Variants in NTM observed in about 807,000 individuals in gnomAD.
NTM encodes IgLON family member 2.
A neutral mutation model predicts 42.1 loss-of-function variants in NTM; 13 were observed. The ratio of observed to expected loss-of-function variants is 0.31; its 90% CI spans 0.20 to 0.49. NTM has a LOEUF of 0.49. NTM is among the 20% of genes least tolerant of loss of function. The pLI is 0.99. For missense variants in NTM, 373 were observed against 452.8 expected (o/e 0.82, Z 1.60); for synonymous variants, 187 against 179.2 (o/e 1.04, Z -0.35).
Position 132,003,162 on chromosome 11 carries a change from CAG to C in NTM, c.167+91517_167+91518del, listed in dbSNP as rs1222997989. Among the ~76,000 whole-genome samples, 2 of 152,166 alleles carry C rather than the reference CAG, an allele frequency of 1.3e-5. No homozygotes were observed. The highest frequency in any genetic ancestry group is 6.5e-5 in the Admixed American group (1 of 15,284). On this transcript the variant is annotated intron_variant, in intron 2 of 8. Coordinates refer to ENST00000683400, the MANE Select transcript of NTM (RefSeq NM_001352005.2). This position sits in a 1 kb window ranked among gnomAD's most constrained non-coding sequence, Gnocchi z 6.0. ...CCCTAATGCTAGCCCGGTTCTGAGCCAGAGTTATTTCGCTCTGCCAGTGGTGC... is the reference window on the plus strand; with the variant it reads ...CCCTAATGCTAGCCCGGTTCTGAGCCAGTTATTTCGCTCTGCCAGTGGTGC...
chr11:131,846,071 G>C (rs2044864728), intron 1 of NTM, among the ~76,000 whole-genome samples: 1 of 152,008 alleles, frequency 6.6e-6, no homozygotes, highest in Non-Finnish European at 1.5e-5. Flanking sequence ...ATAACATTTT[G>C]TTTTAAACAT....
chr11:132,313,771 C>CAACT (rs549035604), intron 6 of NTM, among the ~76,000 whole-genome samples: 8 of 152,100 alleles, frequency 5.3e-5, no homozygotes, highest in African/African-American at 7.2e-5. Flanking sequence ...TCACTTCCCC[C>CAACT]AACTAACTAA....
intron 4 of NTM, among the ~76,000 whole-genome samples, chr11:132,286,522 C>T (rs567609713): frequency 6.6e-6 from 1 of 152,104 alleles, no homozygotes; most frequent in Non-Finnish European, 1.5e-5. Flanking sequence ...GTCCGCCCCC[C>T]CCACCCAAAC....
chr11:131,935,992 G>A (rs1051374039), intron 2 of NTM, among the ~76,000 whole-genome samples: 13 of 151,344 alleles, frequency 8.6e-5, no homozygotes, highest in Admixed American at 8.5e-4. Flanking sequence ...GTGATAAAAA[G>A]AGGGGAATCA....
intron 1 of NTM, among the ~76,000 whole-genome samples, chr11:131,521,966 G>A (rs894973776): frequency 6.6e-6 from 1 of 151,966 alleles, no homozygotes; most frequent in African/African-American, 2.4e-5. Flanking sequence ...ATAATAATAG[G>A]TCAAACATCC....
chr11:132,145,744 C>A (rs945659363), intron 2 of NTM, among the ~76,000 whole-genome samples: 1 of 152,152 alleles, frequency 6.6e-6, no homozygotes, highest in African/African-American at 2.4e-5. Flanking sequence ...ATTTGCTATT[C>A]TGAGATGAGA....
At chr11:132,202,522 G>A (rs1003378111) in intron 3 of NTM, among the ~76,000 whole-genome samples, 2 of 152,112 alleles carry the variant, frequency 1.3e-5, no homozygotes, top group African/African-American at 4.8e-5. Context: ...TCCACATCAT[G>A]ATCACTGATA....
At chr11:131,789,535 AGAAGAAGAAGAAAAG>A (rs2090216773) in intron 1 of NTM, among the ~76,000 whole-genome samples, 4 of 28,654 alleles carry the variant, frequency 1.4e-4, no homozygotes, top group Non-Finnish European at 1.8e-4. Flanking sequence ...AAGAAGAAGA[AGAAGAAGAAGAAAAG>A]AAGAAGAAGA....
intron 2 of NTM, among the ~76,000 whole-genome samples, chr11:132,068,761 G>C (rs2056903309): frequency 6.6e-6 from 1 of 152,182 alleles, no homozygotes; most frequent in Admixed American, 6.5e-5. Flanking sequence ...AGGCAAGTCT[G>C]AAATCTGTAA....
In NTM at chr11:131,543,199, A is replaced by T. The variant is rs1474010821; in HGVS notation, c.82+172311A>T. Among the ~76,000 whole-genome samples, 14 of 152,214 alleles carry T rather than the reference A, an allele frequency of 9.2e-5. 1 individual carries two copies. Among genetic ancestry groups the T allele is most frequent in the Admixed American group, 9.2e-4 (14 of 15,282 alleles). On this transcript the variant is annotated intron_variant, in intron 1 of 8. Transcript: ENST00000683400. The stretch of plus-strand genomic sequence containing the variant: ...CTACATCAAGACCATGTAACCATGC[A>T]GGAAGAAATCAATCTTCTTTTCTAG...
chr11:131,973,249 A>G (rs2063816476), intron 2 of NTM, among the ~76,000 whole-genome samples: 1 of 152,242 alleles, frequency 6.6e-6, no homozygotes, highest in South Asian at 2.1e-4. Context: ...CAGTTCTTCC[A>G]ATAGGATACA....
chr11:132,149,815 CAA>C (rs1234085743), intron 3 of NTM, among the ~76,000 whole-genome samples: 1 of 152,116 alleles, frequency 6.6e-6, no homozygotes, highest in Non-Finnish European at 1.5e-5. Context: ...AAGGAGGAGA[CAA>C]GAGAACTGAG....
At chr11:132,191,677 G>T (rs1038478684) in intron 3 of NTM, among the ~76,000 whole-genome samples, 1 of 152,144 alleles carries the variant, frequency 6.6e-6, no homozygotes, top group Admixed American at 6.5e-5. Flanking sequence ...TTAAGCAGAT[G>T]GAAATGGCTG....
At chr11:132,171,824 G>A (rs915535274) in intron 3 of NTM, among the ~76,000 whole-genome samples, 1 of 152,218 alleles carries the variant, frequency 6.6e-6, no homozygotes, top group Admixed American at 6.5e-5. Flanking sequence ...AAACAGATGA[G>A]CCCTGTCTGC....
intron 7 of NTM, among the ~76,000 whole-genome samples, chr11:132,324,710 A>T (rs112259510): frequency 7.4e-6 from 1 of 135,246 alleles, no homozygotes; most frequent in African/African-American, 2.7e-5. Context: ...CTGCATCGCC[A>T]AGTCAATCCT....
At chr11:131,819,232 A>C (rs2093077501) in intron 1 of NTM, among the ~76,000 whole-genome samples, 1 of 152,142 alleles carries the variant, frequency 6.6e-6, no homozygotes, top group African/African-American at 2.4e-5. Flanking sequence ...TGTAGTTCAA[A>C]GCTTCTCAAC....
intron 4 of NTM, among the ~76,000 whole-genome samples, chr11:132,222,371 G>A (rs1450480563): frequency 1.3e-5 from 2 of 152,176 alleles, no homozygotes; most frequent in Non-Finnish European, 2.9e-5. Context: ...CTTGTGCATT[G>A]ATTATTATTA....
chr11:131,538,921 C>CTTTTTTTTTTTT (rs58463755), intron 1 of NTM, among the ~76,000 whole-genome samples: 2 of 102,390 alleles, frequency 2.0e-5, no homozygotes, highest in African/African-American at 3.4e-5. Flanking sequence ...GTTAACTTAG[C>CTTTTTTTTTTTT]TTTTTTTTTT....
At chr11:131,848,485 G>T (rs76797353) in intron 1 of NTM, among the ~76,000 whole-genome samples, 2,247 of 152,270 alleles carry the variant, frequency 0.015, 49 homozygotes, top group African/African-American at 0.05. Context: ...GCCAGGCTAT[G>T]GGGAAGGTCA....
Sources: allele counts gnomAD v4.1 joint callset (sites outside exome capture counted in the v4.1 genomes callset), GRCh38; gene constraint gnomAD v4.1.1; non-coding constraint Gnocchi (gnomAD v3.1); transcripts MANE v1.5; gene names NCBI Gene and HGNC (gene_info 2026-07-23, HGNC 2026-07-21).